Variants in RNF212B observed in about 807,000 individuals in gnomAD.
RNF212B encodes E3 ubiquitin-protein ligase RNF212B.
A neutral mutation model predicts 55.5 loss-of-function variants in RNF212B; 52 were observed. That is an observed-to-expected ratio of 0.94 (90% confidence interval 0.75 to 1.18). RNF212B has a LOEUF of 1.18. RNF212B is among the 50% of genes most tolerant of loss of function. The pLI, the probability that RNF212B is intolerant of heterozygous loss-of-function variation, is 0.00. For synonymous variants in RNF212B, 99 were observed against 121.4 expected (o/e 0.82, Z 1.21); for missense variants, 289 against 350.4 (o/e 0.82, Z 1.40).
intron 4 of RNF212B, among the ~76,000 whole-genome samples, chr14:23,251,830 G>T (rs1353050159): frequency 7.6e-6 from 1 of 132,070 alleles, no homozygotes; most frequent in African/African-American, 2.6e-5. Flanking sequence ...AAAAAAGAAA[G>T]AAAGAAAACC....
At chr14:23,240,225 G>A in intron 1 of RNF212B, 120 bp from the exon 2 acceptor site, 1 of 646,340 alleles carries the variant, frequency 1.5e-6, no homozygotes, top group Non-Finnish European at 2.7e-6. Flanking sequence ...TACCCACAAT[G>A]ATATGCCACA....
chr14:23,196,262 C>G (rs1262976742), intron 2 of RNF212B, among the ~76,000 whole-genome samples: 1 of 152,134 alleles, frequency 6.6e-6, no homozygotes, highest in Non-Finnish European at 1.5e-5. Flanking sequence ...CACTGTCTCT[C>G]TGTCATTATT....
intron 4 of RNF212B, among the ~76,000 whole-genome samples, chr14:23,250,342 TCA>T (rs1194301762): frequency 6.6e-6 from 1 of 151,788 alleles, no homozygotes; most frequent in Non-Finnish European, 1.5e-5. Context: ...TAGCCAGGTG[TCA>T]TGGTGGCGCG....
At chr14:23,269,725 G>GA (rs202210969) in intron 12 of RNF212B, 138 bp from the exon 13 acceptor site, 14,554 of 552,992 alleles carry the variant, frequency 0.026, 1,531 homozygotes, top group African/African-American at 0.25. Context: ...AAAAAAAAAA[G>GA]AAAAAATTAT....
At chr14:23,248,713 T>C (rs897240765) in intron 4 of RNF212B, among the ~76,000 whole-genome samples, 1 of 152,124 alleles carries the variant, frequency 6.6e-6, no homozygotes, top group African/African-American at 2.4e-5. Flanking sequence ...GTGCTGAGAT[T>C]ATGGGCATGA....
chr14:23,238,728 C>T (rs537027113), intron 1 of RNF212B, among the ~76,000 whole-genome samples: 184 of 143,294 alleles, frequency 1.3e-3, no homozygotes, highest in Non-Finnish European at 2.2e-3. Flanking sequence ...AGAGCCAGAC[C>T]CTGTCTCAAA....
chr14:23,205,507 G>A (rs1401915108), intron 2 of RNF212B, among the ~76,000 whole-genome samples: 1 of 152,094 alleles, frequency 6.6e-6, no homozygotes, highest in African/African-American at 2.4e-5. Flanking sequence ...CGAAAACTGT[G>A]ATAGTCATGA....
intron 4 of RNF212B, among the ~76,000 whole-genome samples, chr14:23,254,729 A>G (rs865929624): frequency 6.6e-6 from 1 of 152,186 alleles, no homozygotes; most frequent in African/African-American, 2.4e-5. Flanking sequence ...TTTGTTTACA[A>G]TAACCCACAT....
chr14:23,258,128 C>T (rs12880452), intron 4 of RNF212B, among the ~76,000 whole-genome samples: 60,560 of 151,828 alleles, frequency 0.4, 12,167 homozygotes, highest in East Asian at 0.42. Context: ...CACCTGAGGT[C>T]GGAAGTTCAA....
At chr14:23,192,495 T>C (rs1473313700) in intron 1 of RNF212B, among the ~76,000 whole-genome samples, 2 of 134,234 alleles carry the variant, frequency 1.5e-5, no homozygotes, top group Non-Finnish European at 3.1e-5. Context: ...ATGAGAACAC[T>C]TGGACACAGG....
chr14:23,227,166 C>T (rs1337454350), intron 2 of RNF212B, among the ~76,000 whole-genome samples: 2 of 151,762 alleles, frequency 1.3e-5, no homozygotes, highest in African/African-American at 2.4e-5. Flanking sequence ...TGGAACCTTT[C>T]TACACTACTT....
upstream of RNF212B, among the ~76,000 whole-genome samples, chr14:23,236,959 C>CTT (rs201656139): frequency 1.5e-3 from 213 of 139,130 alleles, 2 homozygotes; most frequent in African/African-American, 5.5e-3. Context: ...TTCTGTCTCT[C>CTT]TCTTTTTTTT....
Position 23,243,297 on chromosome 14 carries a change from C to G in RNF212B, c.142C>G (p.Leu48Val). 6.5e-7 allele frequency: 1 copy of G among 1,550,366 alleles called. No individual in the cohort carries two copies. Among genetic ancestry groups the G allele is most frequent in the South Asian group, 1.2e-5 (1 of 84,020 alleles). Reference protein sequence around the residue: ...VCGTACKHLALSDNLKPQEKM... With the variant: ...VCGTACKHLAVSDNLKPQEKM... The stretch of plus-strand genomic sequence containing the variant: ...TGGAACTGCCTGCAAGCATCTGGCT[C>G]TTTCTGATAATGTAAGTTTTTCTCC... Residue 48 changes from leucine (L) to valine (V), a missense_variant, in exon 3 of 15, where the codon CTT (leucine) becomes GTT (valine). Transcript: ENST00000430154.
At chr14:23,192,220 TAAAG>T (rs1007743906) in intron 1 of RNF212B, among the ~76,000 whole-genome samples, 13 of 152,250 alleles carry the variant, frequency 8.5e-5, no homozygotes, top group African/African-American at 3.1e-4. Flanking sequence ...CATGCTGCTA[TAAAG>T]ACACATGCAC....
At chr14:23,205,644 T>C (rs1879764894) in intron 2 of RNF212B, among the ~76,000 whole-genome samples, 2 of 152,322 alleles carry the variant, frequency 1.3e-5, no homozygotes, top group South Asian at 4.1e-4. Flanking sequence ...TGGGCTGAAC[T>C]AACTTTGGGA....
intron 2 of RNF212B, among the ~76,000 whole-genome samples, chr14:23,226,681 A>G (rs532596187): frequency 3.3e-5 from 5 of 152,200 alleles, no homozygotes; most frequent in African/African-American, 7.2e-5. Flanking sequence ...GGGTGATGGT[A>G]AGAGATGGCA....
chr14:23,256,449 G>A (rs1486054300), intron 4 of RNF212B, among the ~76,000 whole-genome samples: 4 of 151,090 alleles, frequency 2.6e-5, no homozygotes, highest in South Asian at 2.1e-4. Flanking sequence ...TTGGCTCACC[G>A]CAACCTCCAC....
intron 1 of RNF212B, among the ~76,000 whole-genome samples, chr14:23,190,467 T>C (rs1331978570): frequency 6.6e-6 from 1 of 152,188 alleles, no homozygotes; most frequent in Non-Finnish European, 1.5e-5. Flanking sequence ...GAGTCAACCT[T>C]GACTTATCTT....
At chr14:23,215,592 G>A (rs955541504) in intron 2 of RNF212B, among the ~76,000 whole-genome samples, 5 of 152,170 alleles carry the variant, frequency 3.3e-5, no homozygotes, top group Admixed American at 3.3e-4. Flanking sequence ...AGTGCTGAAA[G>A]AAAGGAACTG....
Sources: gnomAD v4.1 joint callset for allele counts (sites outside exome capture counted in the v4.1 genomes callset) on GRCh38, gnomAD v4.1.1 for gene constraint, MANE v1.5 for transcripts, NCBI Gene and HGNC (gene_info 2026-07-23, HGNC 2026-07-21) for gene names.